Variants in ADAMTSL1 observed in about 807,000 individuals in gnomAD.
ADAMTSL1 encodes ADAMTS like 1, also known as ADAMTS-like protein 1.
ADAMTSL1 carries 126 observed loss-of-function variants against 201.8 expected under a neutral mutation model. The ratio of observed to expected loss-of-function variants is 0.62; its 90% CI spans 0.54 to 0.72. ADAMTSL1 has a LOEUF of 0.72. Among genes scored for constraint, ADAMTSL1 ranks in the 30% least tolerant of loss-of-function variants. The pLI is 0.00. For missense variants in ADAMTSL1, 2,679 were observed against 2,277.8 expected (o/e 1.18, Z -3.59); for synonymous variants, 1,121 against 903.4 (o/e 1.24, Z -4.32).
At chr9:18,533,203 C>A in intron 2 of ADAMTSL1, 44 bp from the exon 3 acceptor site, 11 of 1,533,524 alleles carry the variant, frequency 7.2e-6, no homozygotes, top group Admixed American at 1.8e-5. Flanking sequence ...TGATTTTGAG[C>A]TTTTCATAAG....
chr9:18,064,054 A>G (rs148463373), intron 1 of ADAMTSL1, among the ~76,000 whole-genome samples: 17 of 152,332 alleles, frequency 1.1e-4, no homozygotes, highest in African/African-American at 3.6e-4. Context: ...AGTTAAAAAA[A>G]TAAAAGAAAC....
chr9:18,140,566 T>C (rs549577599), intron 1 of ADAMTSL1, among the ~76,000 whole-genome samples: 14 of 152,304 alleles, frequency 9.2e-5, no homozygotes, highest in Non-Finnish European at 1.6e-4. Context: ...GCTAGTCATA[T>C]AGGTGTCCTC....
rs1356842441 is a variant in ADAMTSL1, at chr9:18,574,580, AGT to A, written c.474+321_474+322del. 2.2e-5 allele frequency: 10 copies of A among 454,614 alleles called. No homozygotes were observed. In the African/African-American group the frequency reaches 2.7e-4, roughly 12 times the overall value. 28.2% of individuals were successfully genotyped at this position (454,614 alleles called of 1,614,324 possible). On this transcript the variant is annotated intron_variant, in intron 4 of 28. Coordinates refer to ENST00000380548, the MANE Select transcript of ADAMTSL1 (RefSeq NM_001040272.6). ...TATCCCCTGGATTGGCTATTCCTGA[AGT>A]GTGTGTTTGTGTTTGTGTGTGTGTG...
intron 21 of ADAMTSL1, among the ~76,000 whole-genome samples, chr9:18,822,465 C>A (rs1328811188): frequency 6.6e-6 from 1 of 152,162 alleles, no homozygotes; most frequent in Non-Finnish European, 1.5e-5. Flanking sequence ...AAGAGTCAGG[C>A]TAGTATAATG....
At chr9:17,962,631 T>G (rs1438618608) in intron 1 of ADAMTSL1, among the ~76,000 whole-genome samples, 1 of 152,220 alleles carries the variant, frequency 6.6e-6, no homozygotes, top group Non-Finnish European at 1.5e-5. Flanking sequence ...AGTTCAGAAC[T>G]AGCAAGTTCT....
At chr9:18,365,760 A>G (rs532494022) in intron 2 of ADAMTSL1, among the ~76,000 whole-genome samples, 14 of 152,286 alleles carry the variant, frequency 9.2e-5, no homozygotes, top group South Asian at 4.1e-4. Context: ...ACTGGTACCT[A>G]TCTGTGGCCT....
chr9:18,521,762 A>G (rs906479087), intron 2 of ADAMTSL1, among the ~76,000 whole-genome samples: 1 of 152,220 alleles, frequency 6.6e-6, no homozygotes, highest in African/African-American at 2.4e-5. Flanking sequence ...GAATTAAATA[A>G]TAATTATTTT....
rs542909328 is a variant in ADAMTSL1 at position 17,924,380 on chromosome 9, C to A, written c.87+17458C>A. Reference sequence around the variant, plus strand: ...AGAGTGTATGTGTCGAGGAATTTATCCATTTCGTCTAGATTTTCTAGTTTA... The same window carrying A: ...AGAGTGTATGTGTCGAGGAATTTATACATTTCGTCTAGATTTTCTAGTTTA... On this transcript the variant is annotated intron_variant, in intron 1 of 29. Transcript: ENST00000680146. Among the ~76,000 whole-genome samples, 4 of 152,154 alleles carry A rather than the reference C, an allele frequency of 2.6e-5. No homozygotes were observed. The East Asian group carries it at 7.7e-4, about 29-fold the overall frequency.
intron 1 of ADAMTSL1, among the ~76,000 whole-genome samples, chr9:18,499,927 C>T (rs951742201): frequency 2.0e-5 from 3 of 152,138 alleles, no homozygotes; most frequent in Admixed American, 6.5e-5. Context: ...CTTGTTTTAA[C>T]ATTTGGAAAA....
intron 1 of ADAMTSL1, among the ~76,000 whole-genome samples, chr9:18,148,540 A>G (rs1826761067): frequency 2.0e-5 from 3 of 152,080 alleles, no homozygotes. Context: ...AAGGACAAGA[A>G]CGAGCAAATT....
At chr9:18,411,250 G>A (rs903529142) in intron 2 of ADAMTSL1, among the ~76,000 whole-genome samples, 4 of 151,548 alleles carry the variant, frequency 2.6e-5, no homozygotes, top group African/African-American at 9.7e-5. Flanking sequence ...AGGTTGGAGT[G>A]CAATGGTGCA....
At chr9:18,183,941 G>A (rs1469383332) in intron 2 of ADAMTSL1, among the ~76,000 whole-genome samples, 1 of 152,182 alleles carries the variant, frequency 6.6e-6, no homozygotes, top group South Asian at 2.1e-4. Flanking sequence ...AGGGAAGGAA[G>A]TTTCAACGGT....
chr9:18,281,423 G>A (rs1832784190), intron 2 of ADAMTSL1, among the ~76,000 whole-genome samples: 1 of 152,134 alleles, frequency 6.6e-6, no homozygotes, highest in Admixed American at 6.5e-5. Flanking sequence ...CTGGGCTCCA[G>A]AGTCAGCCAC....
rs767090826 is a variant in ADAMTSL1, at chr9:18,707,084, C to G, written c.1876+36C>G. 2.3e-5 allele frequency: 36 copies of G among 1,587,844 alleles called. No individual in the cohort carries two copies. In the Admixed American group the frequency reaches 6.0e-4, roughly 27 times the overall value. ...GGGCTCTGGCTCAGATCCCCGCCAT[C>G]TTCTTGCTCATTTTCTCTCTCTGCA... On this transcript the variant is annotated intron_variant, in intron 14 of 28. Coordinates refer to ENST00000380548, the MANE Select transcript of ADAMTSL1 (RefSeq NM_001040272.6).
At position 18,239,195 on chromosome 9, in the gene ADAMTSL1, A is replaced by T. The variant is rs114870852; in HGVS notation, c.207+75214A>T. Among the ~76,000 whole-genome samples, 995 of 152,236 alleles carry T rather than the reference A, an allele frequency of 6.5e-3. 18 individuals are homozygous for T. Among genetic ancestry groups the T allele is most frequent in the African/African-American group, 0.023 (954 of 41,508 alleles). On this transcript the variant is annotated intron_variant, in intron 2 of 29. Coordinates refer to the ADAMTSL1 transcript ENST00000680146. ...GGTGGTGAAGGGTAGGGTAGCTGTA[A>T]TAATACCTTAAGACAACAATGCAAT... is the stretch of plus-strand genomic sequence containing the variant.
chr9:17,943,245 A>C (rs1827316105), intron 1 of ADAMTSL1, among the ~76,000 whole-genome samples: 1 of 152,058 alleles, frequency 6.6e-6, no homozygotes, highest in Non-Finnish European at 1.5e-5. Flanking sequence ...CCCAGCCTGC[A>C]ATGTACTTAA....
At chr9:18,197,010 A>G (rs931469313) in intron 2 of ADAMTSL1, among the ~76,000 whole-genome samples, 1 of 152,072 alleles carries the variant, frequency 6.6e-6, no homozygotes, top group African/African-American at 2.4e-5. Flanking sequence ...TTTCCTTCAA[A>G]GTGCTTTTAA....
intron 20 of ADAMTSL1, among the ~76,000 whole-genome samples, chr9:18,810,172 T>C (rs746771734): frequency 9.9e-5 from 15 of 152,220 alleles, no homozygotes; most frequent in Non-Finnish European, 1.5e-5. Context: ...ACAATCATTA[T>C]AGTACTAAAT....
Position 18,549,743 on chromosome 9 carries a change from G to A in ADAMTSL1, c.237+16451G>A, listed in dbSNP as rs761663974. Among the ~76,000 whole-genome samples the A allele has an allele frequency of 5.4e-4, 82 of 152,084 alleles. No individual in the cohort carries two copies. In the Middle Eastern group the frequency reaches 0.01, roughly 19 times the overall value. The stretch of plus-strand genomic sequence containing the variant: ...TACTTTCTGGAGGAAGCAATCAAGG[G>A]ACACTGTGACAGTCCCCAAGTTCTG... On this transcript the variant is annotated intron_variant, in intron 3 of 28. Coordinates refer to ENST00000380548, the MANE Select transcript of ADAMTSL1 (RefSeq NM_001040272.6).
Sources: gnomAD v4.1 joint callset for allele counts (sites outside exome capture counted in the v4.1 genomes callset) on GRCh38, gnomAD v4.1.1 for gene constraint, MANE v1.5 for transcripts, NCBI Gene and HGNC (gene_info 2026-07-23, HGNC 2026-07-21) for gene names.